The following KLF12 variants were observed in gnomAD, a reference collection of about 807,000 sequenced individuals.
The protein encoded by KLF12 is KLF transcription factor 12, also known as Krueppel-like factor 12.
A neutral mutation model predicts 37.8 loss-of-function variants in KLF12; 9 were observed. The ratio of observed to expected loss-of-function variants is 0.24; its 90% CI spans 0.14 to 0.42. The LOEUF (loss-of-function observed/expected upper bound fraction) is 0.42. KLF12 is among the 10% of genes least tolerant of loss of function. The pLI, the probability that KLF12 is intolerant of heterozygous loss-of-function variation, is 1.00. For synonymous variants in KLF12, 208 were observed against 202.1 expected, an observed-to-expected ratio of 1.03 and a Z score of -0.25; for missense variants, 411 against 516.0, an observed-to-expected ratio of 0.80 and a Z score of 1.97.
intron 1 of KLF12, among the ~76,000 whole-genome samples, chr13:74,125,350 C>T (rs572206896): frequency 6.6e-6 from 1 of 152,204 alleles, no homozygotes; most frequent in African/African-American, 2.4e-5. Context: ...GCACTTGGTC[C>T]ATTTATCACA....
At chr13:74,082,176 A>AAAAAAAAAAC (rs1370632380) in intron 1 of KLF12, among the ~76,000 whole-genome samples, 1 of 150,916 alleles carries the variant, frequency 6.6e-6, no homozygotes, top group East Asian at 2.0e-4. Flanking sequence ...AAAAAAAAAA[A>AAAAAAAAAAC]AACAAAGTTA....
intron 3 of KLF12, among the ~76,000 whole-genome samples, chr13:73,860,210 A>G (rs1171891861): frequency 6.6e-6 from 1 of 152,200 alleles, no homozygotes; most frequent in Non-Finnish European, 1.5e-5. Context: ...CAGCTGTACC[A>G]GATTCCACCT....
At chr13:74,235,953 T>TA in the KLF12 span, among the ~76,000 whole-genome samples, 6 of 151,668 alleles carry the variant, frequency 4.0e-5, no homozygotes, top group African/African-American at 1.2e-4. Flanking sequence ...TTTTTATTTT[T>TA]TTTTATTATA....
chr13:73,810,883 A>G (rs1286121318), intron 5 of KLF12, among the ~76,000 whole-genome samples: 1 of 151,372 alleles, frequency 6.6e-6, no homozygotes, highest in East Asian at 2.0e-4. Context: ...TCTTGGATTC[A>G]GTGTCTATGC....
chr13:73,787,672 T>C (rs1566368108), intron 5 of KLF12, among the ~76,000 whole-genome samples: 2 of 152,166 alleles, frequency 1.3e-5, no homozygotes, highest in Non-Finnish European at 1.5e-5. Context: ...AGTTTGGGGA[T>C]TGGAACTCAA....
At chr13:74,257,649 G>A in the KLF12 span, 1 of 152,112 alleles carries the variant, frequency 6.6e-6, no homozygotes, top group Non-Finnish European at 1.5e-5. Context: ...TTGTCACCTG[G>A]GGGACTGCGA....
intron 6 of KLF12, among the ~76,000 whole-genome samples, chr13:73,718,113 G>A (rs550826097): frequency 1.3e-5 from 2 of 152,100 alleles, no homozygotes; most frequent in East Asian, 3.8e-4. Flanking sequence ...TGAATATAAA[G>A]AAGTCTAAAT....
At chr13:74,119,993 A>G (rs1877529792) in intron 1 of KLF12, among the ~76,000 whole-genome samples, 3 of 152,180 alleles carry the variant, frequency 2.0e-5, no homozygotes, top group African/African-American at 7.2e-5. Flanking sequence ...CAAAAAAAAA[A>G]AGAATTTCAA....
At chr13:74,055,675 C>T (rs908260989) in intron 1 of KLF12, among the ~76,000 whole-genome samples, 2 of 152,064 alleles carry the variant, frequency 1.3e-5, no homozygotes, top group African/African-American at 4.8e-5. Context: ...AGTCAAGATA[C>T]GTCCAAAGGA....
intron 3 of KLF12, among the ~76,000 whole-genome samples, chr13:73,926,124 C>T (rs1452708539): frequency 6.6e-6 from 1 of 152,212 alleles, no homozygotes; most frequent in African/African-American, 2.4e-5. Context: ...TTTGAGAGGA[C>T]TGACTCCAAT....
chr13:73,813,000 C>T (rs1883022775), intron 5 of KLF12, 152 bp downstream of exon 5: 1 of 745,632 alleles, frequency 1.3e-6, no homozygotes, highest in Non-Finnish European at 2.2e-6. Context: ...GCCCTAATCT[C>T]CCAAAGAGCA....
At chr13:73,731,536 C>CA (rs66701744) in intron 6 of KLF12, among the ~76,000 whole-genome samples, 2,822 of 103,490 alleles carry the variant, frequency 0.027, 175 homozygotes, top group South Asian at 0.084. Context: ...GGAAATTAGA[C>CA]AAAAAAAAAA....
At chr13:74,277,325 A>G in the KLF12 span, among the ~76,000 whole-genome samples, 1 of 152,090 alleles carries the variant, frequency 6.6e-6, no homozygotes, top group African/African-American at 2.4e-5. Flanking sequence ...GGCCCATATC[A>G]TGTTTGACCA....
intron 3 of KLF12, among the ~76,000 whole-genome samples, chr13:73,926,560 ACT>A (rs1262771037): frequency 6.6e-6 from 1 of 151,528 alleles, no homozygotes; most frequent in Non-Finnish European, 1.5e-5. Flanking sequence ...TCTGGAACCA[ACT>A]CTGCAATATC....
chr13:73,868,972 C>T (rs1261936977), intron 3 of KLF12, among the ~76,000 whole-genome samples: 1 of 152,108 alleles, frequency 6.6e-6, no homozygotes, highest in Non-Finnish European at 1.5e-5. Context: ...ATAATCATTA[C>T]TCTTGAAAAT....
intron 6 of KLF12, among the ~76,000 whole-genome samples, chr13:73,738,010 CTTCA>C (rs1467970338): frequency 9.3e-6 from 1 of 107,896 alleles, no homozygotes; most frequent in Non-Finnish European, 1.8e-5. Context: ...CTTAAATACA[CTTCA>C]TTCAACAAAC....
At chr13:74,027,462 A>C (rs1893005520) in intron 1 of KLF12, among the ~76,000 whole-genome samples, 1 of 152,160 alleles carries the variant, frequency 6.6e-6, no homozygotes, top group Non-Finnish European at 1.5e-5. Flanking sequence ...ATTGTTTTTA[A>C]AATACTAGGG....
At chr13:74,302,678 T>C in the KLF12 span, among the ~76,000 whole-genome samples, 2 of 152,100 alleles carry the variant, frequency 1.3e-5, no homozygotes, top group Non-Finnish European at 2.9e-5. Flanking sequence ...ACTTTTCTCA[T>C]CATTCCGCTC....
intron 5 of KLF12, among the ~76,000 whole-genome samples, chr13:73,805,498 T>C (rs905976451): frequency 5.3e-5 from 8 of 151,652 alleles, no homozygotes; most frequent in African/African-American, 1.9e-4. Flanking sequence ...ACACTTGTAG[T>C]CTCAGCTACT....
Sources: gnomAD v4.1 joint callset for allele counts (sites outside exome capture counted in the v4.1 genomes callset) on GRCh38, gnomAD v4.1.1 for gene constraint, MANE v1.5 for transcripts, NCBI Gene and HGNC (gene_info 2026-07-23, HGNC 2026-07-21) for gene names.